The following FOXN3 variants were observed in gnomAD, a reference collection of about 807,000 sequenced individuals.
FOXN3 encodes forkhead box protein N3.
In FOXN3, 7 loss-of-function variants were observed where a neutral mutation model predicts 38.4. The ratio of observed to expected loss-of-function variants is 0.18; its 90% CI spans 0.10 to 0.34. FOXN3 has a LOEUF of 0.34. FOXN3 is among the 10% of genes least tolerant of loss of function. The pLI is 1.00. For synonymous variants in FOXN3, 230 were observed against 242.2 expected (o/e 0.95, Z 0.47); for missense variants, 456 against 613.4 (o/e 0.74, Z 2.71).
chr14:89,344,972 C>T (rs1231964297), intron 3 of FOXN3, among the ~76,000 whole-genome samples: 1 of 152,162 alleles, frequency 6.6e-6, no homozygotes, highest in Non-Finnish European at 1.5e-5. Flanking sequence ...CACACCACCC[C>T]TCCTTCCACT....
intron 2 of FOXN3, among the ~76,000 whole-genome samples, chr14:89,385,160 C>T (rs981645484): frequency 5.3e-5 from 8 of 152,080 alleles, no homozygotes; most frequent in African/African-American, 9.7e-5. Flanking sequence ...TTTACCTTAG[C>T]GACCTGATTG....
chr14:89,316,669 A>ATTT (rs546352695), intron 3 of FOXN3, among the ~76,000 whole-genome samples: 19,398 of 135,166 alleles, frequency 0.14, 1,654 homozygotes, highest in African/African-American at 0.24. Flanking sequence ...CCTATGATGA[A>ATTT]TTTTTTTTTT....
intron 2 of FOXN3, among the ~76,000 whole-genome samples, chr14:89,402,577 T>A (rs976765015): frequency 2.6e-5 from 4 of 152,166 alleles, no homozygotes; most frequent in African/African-American, 4.8e-5. Context: ...GTGACCAAGC[T>A]CTAGCCAATA....
chr14:89,398,713 G>C (rs985595175), intron 2 of FOXN3, among the ~76,000 whole-genome samples: 2 of 152,074 alleles, frequency 1.3e-5, no homozygotes, highest in African/African-American at 4.8e-5. Context: ...GGCTGGGCAC[G>C]GTGGCTTAAC....
chr14:89,496,047 T>C (rs550811901), intron 1 of FOXN3, among the ~76,000 whole-genome samples: 87 of 152,218 alleles, frequency 5.7e-4, no homozygotes, highest in Non-Finnish European at 1.0e-3. Flanking sequence ...ATCCCGTCTC[T>C]ACTAAAAATT....
chr14:89,355,863 CT>C (rs1889199451), intron 2 of FOXN3, among the ~76,000 whole-genome samples: 1 of 152,046 alleles, frequency 6.6e-6, no homozygotes, highest in South Asian at 2.1e-4. Flanking sequence ...AGAAAGCCCC[CT>C]ATTAGCAACA....
chr14:89,396,709 G>A (rs1366221876), intron 2 of FOXN3, among the ~76,000 whole-genome samples: 3 of 152,016 alleles, frequency 2.0e-5, no homozygotes, highest in Non-Finnish European at 4.4e-5. Flanking sequence ...GCAGATGCCT[G>A]TAATCCCAGC....
rs1225615925 is a variant in FOXN3, at chr14:89,158,963, C to G, written c.*3451G>C. 1 of 152,420 alleles carries G rather than the reference C, an allele frequency of 6.6e-6. No individual in the cohort carries two copies. Among genetic ancestry groups the G allele is most frequent in the African/African-American group, 2.4e-5 (1 of 41,364 alleles). 9.4% of individuals were successfully genotyped at this position (152,420 alleles called of 1,614,324 possible). ...AAATGAAAGCAAAAACGCCACACCT[C>G]TTAATGGTGTTCAGGCGATCTGTCA... On this transcript the variant is annotated 3_prime_UTR_variant, in exon 6 of 6. Transcript: ENST00000557258.
At chr14:89,603,154 A>T (rs1896193234) in intron 1 of FOXN3, among the ~76,000 whole-genome samples, 1 of 152,158 alleles carries the variant, frequency 6.6e-6, no homozygotes, top group African/African-American at 2.4e-5. Context: ...ATCTGGGCCT[A>T]GCCAATAAAA....
At chr14:89,358,161 C>T (rs1343048916) in intron 2 of FOXN3, among the ~76,000 whole-genome samples, 1 of 152,224 alleles carries the variant, frequency 6.6e-6, no homozygotes, top group Non-Finnish European at 1.5e-5. Context: ...ACTCTGCCAT[C>T]ATAGCACAAA....
chr14:89,266,538 A>G (rs1885985838), intron 4 of FOXN3, among the ~76,000 whole-genome samples: 1 of 152,152 alleles, frequency 6.6e-6, no homozygotes, highest in African/African-American at 2.4e-5. Flanking sequence ...TTACATGGAT[A>G]TATTTTACAA....
chr14:89,427,165 G>T (rs563359250), intron 1 of FOXN3, among the ~76,000 whole-genome samples: 1 of 149,490 alleles, frequency 6.7e-6, no homozygotes, highest in South Asian at 2.1e-4. Context: ...GGAGGTGGAG[G>T]TTGCAGTGAG....
intron 1 of FOXN3, among the ~76,000 whole-genome samples, chr14:89,530,480 C>T (rs1380566744): frequency 1.3e-5 from 2 of 152,162 alleles, no homozygotes; most frequent in Admixed American, 6.5e-5. Context: ...TTACCTCCCA[C>T]CAGGTCCCTC....
At chr14:89,255,309 C>T (rs973740324) in intron 4 of FOXN3, among the ~76,000 whole-genome samples, 15 of 152,226 alleles carry the variant, frequency 9.9e-5, no homozygotes, top group African/African-American at 3.6e-4. Context: ...ACTGTGTAGA[C>T]TTGAGTCAAA....
At chr14:89,466,325 G>A (rs1892975064) in intron 1 of FOXN3, among the ~76,000 whole-genome samples, 1 of 152,152 alleles carries the variant, frequency 6.6e-6, no homozygotes, top group African/African-American at 2.4e-5. Flanking sequence ...CCATTTTGCT[G>A]ACAAGTATGA....
At chr14:89,407,025 A>G (rs10141039) in intron 2 of FOXN3, among the ~76,000 whole-genome samples, 148,691 of 150,336 alleles carry the variant, frequency 0.99, 73,558 homozygotes, top group Middle Eastern at 1. Flanking sequence ...AACTAATGAG[A>G]AATTTTATAG....
At chr14:89,598,224 A>G (rs1026346277) in intron 1 of FOXN3, among the ~76,000 whole-genome samples, 1 of 152,150 alleles carries the variant, frequency 6.6e-6, no homozygotes, top group African/African-American at 2.4e-5. Context: ...TTTACCATGT[A>G]TGTTATTCCC....
intron 2 of FOXN3, among the ~76,000 whole-genome samples, chr14:89,391,673 C>T (rs773850826): frequency 2.6e-5 from 4 of 152,134 alleles, no homozygotes; most frequent in Non-Finnish European, 4.4e-5. Context: ...TTGGTTGGTG[C>T]CACCGTGCTC....
At chr14:89,295,065 CATGTCCTTCCT>C (rs1229676707) in intron 3 of FOXN3, among the ~76,000 whole-genome samples, 1 of 152,116 alleles carries the variant, frequency 6.6e-6, no homozygotes, top group Non-Finnish European at 1.5e-5. Context: ...TCCTTCCCAG[CATGTCCTTCCT>C]GCTTTCAATA....
Sources: gnomAD v4.1 joint callset for allele counts (sites outside exome capture counted in the v4.1 genomes callset) on GRCh38, gnomAD v4.1.1 for gene constraint, MANE v1.5 for transcripts, NCBI Gene and HGNC (gene_info 2026-07-23, HGNC 2026-07-21) for gene names.